MOK: variants seen among roughly 807,000 people sequenced by gnomAD.
MOK encodes the protein MOK protein kinase, also known as MAPK/MAK/MRK overlapping kinase.
MOK carries 59 observed loss-of-function variants against 54.2 expected under a neutral mutation model. That is an observed-to-expected ratio of 1.09 (90% CI 0.88 to 1.35). The LOEUF is 1.35. MOK is among the 40% of genes most tolerant of loss of function. The probability of loss-of-function intolerance (pLI) is 0.00; values close to 1 mark genes in which losing one functional copy is unlikely to be tolerated. For missense variants in MOK, 517 were observed against 526.2 expected (o/e 0.98, Z 0.17); for synonymous variants, 210 against 202.7 (o/e 1.04, Z -0.31).
chr14:102,281,986 T>G (rs2069490681), intron 2 of MOK, among the ~76,000 whole-genome samples: 1 of 152,220 alleles, frequency 6.6e-6, no homozygotes, highest in African/African-American at 2.4e-5. Flanking sequence ...TAGCAGAATC[T>G]GGGTTCACAT....
chr14:102,284,840 G>C (rs971972996), intron 1 of MOK, among the ~76,000 whole-genome samples: 5 of 152,196 alleles, frequency 3.3e-5, no homozygotes, highest in African/African-American at 1.2e-4. Flanking sequence ...CACTTTAGGA[G>C]GCCGAGGCAG....
chr14:102,239,845 C>A (rs192371200), intron 7 of MOK, among the ~76,000 whole-genome samples: 3 of 151,936 alleles, frequency 2.0e-5, no homozygotes, highest in African/African-American at 7.3e-5. Flanking sequence ...TCCAGCCTGG[C>A]GACAGGGCAG....
intron 4 of MOK, among the ~76,000 whole-genome samples, chr14:102,258,893 C>T (rs562895396): frequency 5.3e-5 from 8 of 152,170 alleles, no homozygotes; most frequent in East Asian, 1.9e-4. Context: ...AGTGAAACCC[C>T]GTCTCTACTA....
intron 2 of MOK, among the ~76,000 whole-genome samples, chr14:102,277,718 T>C (rs2069009455): frequency 6.6e-6 from 1 of 151,806 alleles, no homozygotes; most frequent in African/African-American, 2.4e-5. Context: ...CACATACTAG[T>C]GATTGCCTGG....
intron 7 of MOK, among the ~76,000 whole-genome samples, chr14:102,241,892 G>A (rs1597320593): frequency 6.6e-6 from 1 of 152,302 alleles, no homozygotes; most frequent in Non-Finnish European, 1.5e-5. Context: ...CCTCCCCAAG[G>A]ATCTTACTTC....
In MOK at chr14:102,245,234, G is replaced by T. The variant is rs1195551454; in HGVS notation, c.590+5578C>A. Among the ~76,000 whole-genome samples, 1 of 151,946 alleles carries T rather than the reference G, an allele frequency of 6.6e-6. No homozygotes were observed. Among genetic ancestry groups the T allele is most frequent in the Admixed American group, 6.6e-5 (1 of 15,254 alleles). ...CCCATTACCCCAAAATCTTCCTTCA[G>T]CTGAATCTCTCCCACTCCAGGTTCC... On this transcript the variant is annotated intron_variant, in intron 7 of 11. Transcript: ENST00000361847. The surrounding 1 kb of genome is among the most constrained non-coding windows in gnomAD (Gnocchi z 4.3).
At chr14:102,290,739 C>T (rs1358168527) in intron 1 of MOK, among the ~76,000 whole-genome samples, 1 of 152,150 alleles carries the variant, frequency 6.6e-6, no homozygotes, top group Non-Finnish European at 1.5e-5. Flanking sequence ...GATCCCTGAA[C>T]CCTAATGGGT....
chr14:102,256,586 GT>G (rs1208806621), intron 4 of MOK, among the ~76,000 whole-genome samples: 2 of 151,672 alleles, frequency 1.3e-5, no homozygotes, highest in Non-Finnish European at 2.9e-5. Flanking sequence ...AAAAAAAATT[GT>G]TTTTTTGTAC....
intron 8 of MOK, 27 bp downstream of exon 8, chr14:102,233,661 C>T (rs889210507): frequency 5.7e-6 from 9 of 1,574,808 alleles, no homozygotes; most frequent in Non-Finnish European, 7.9e-6. Context: ...AGTGGGTCCA[C>T]ATCCACTCTC....
intron 1 of MOK, among the ~76,000 whole-genome samples, chr14:102,291,532 A>C (rs1319751787): frequency 1.3e-5 from 2 of 152,164 alleles, no homozygotes; most frequent in East Asian, 1.9e-4. Context: ...GCTTGCTAAA[A>C]CACCACCAAA....
chr14:102,277,013 C>CTTTTT (rs550427492), intron 2 of MOK, among the ~76,000 whole-genome samples: 2 of 99,956 alleles, frequency 2.0e-5, no homozygotes, highest in Non-Finnish European at 2.1e-5. Flanking sequence ...ATGCCCTGGT[C>CTTTTT]TTTTTTTTTT....
At chr14:102,229,738 G>A (rs1429558865) in intron 10 of MOK, 81 bp from the exon 11 acceptor site, 1 of 1,258,322 alleles carries the variant, frequency 7.9e-7, no homozygotes, top group Non-Finnish European at 1.1e-6. Context: ...AGGCTCTTTT[G>A]TACTGCTTTT....
chr14:102,251,095 A>G (rs1665048843), intron 6 of MOK, 105 bp from the exon 7 acceptor site: 6 of 1,238,014 alleles, frequency 4.8e-6, no homozygotes, highest in African/African-American at 1.5e-5. Flanking sequence ...ACTAGCATCT[A>G]AAGTAGTCTG....
chr14:102,226,873 G>GC (rs1164905637), downstream of MOK, among the ~76,000 whole-genome samples: 2 of 152,114 alleles, frequency 1.3e-5, no homozygotes, highest in Admixed American at 1.3e-4. The surrounding 1 kb of genome is among the most constrained non-coding windows in gnomAD (Gnocchi z 4.8). Context: ...CTGGTCCCCT[G>GC]CTCACCTCCA....
chr14:102,237,786 A>G (rs563590254), intron 7 of MOK, among the ~76,000 whole-genome samples: 1 of 152,310 alleles, frequency 6.6e-6, no homozygotes, highest in Admixed American at 6.5e-5. Flanking sequence ...TAGACAACAC[A>G]GTCAGAGGAT....
intron 2 of MOK, among the ~76,000 whole-genome samples, chr14:102,276,982 G>C (rs1455514382): frequency 6.6e-6 from 1 of 150,474 alleles, no homozygotes; most frequent in Non-Finnish European, 1.5e-5. Flanking sequence ...CAAGTAGCTA[G>C]GACTACAGGA....
At chr14:102,259,648 T>C (rs1461210749) in intron 4 of MOK, among the ~76,000 whole-genome samples, 1 of 152,104 alleles carries the variant, frequency 6.6e-6, no homozygotes, top group Non-Finnish European at 1.5e-5. Flanking sequence ...TAGGATCAGG[T>C]TATCTAGGTT....
At chr14:102,297,516 C>T (rs768342321) in intron 1 of MOK, among the ~76,000 whole-genome samples, 1 of 152,256 alleles carries the variant, frequency 6.6e-6, no homozygotes, top group Non-Finnish European at 1.5e-5. Context: ...TTGAAGCCCT[C>T]GCTGGCTCTC....
rs143800006 is a variant in MOK at position 102,249,448 on chromosome 14, G to A, written c.590+1364C>T. Among the ~76,000 whole-genome samples the A allele has an allele frequency of 1.1e-3, 161 of 152,336 alleles. No individual in the cohort carries two copies. The highest frequency in any genetic ancestry group is 6.8e-3 in the Middle Eastern group (2 of 294). On this transcript the variant is annotated intron_variant, in intron 7 of 11. Transcript: ENST00000361847. The surrounding 1 kb of genome is among the most constrained non-coding windows in gnomAD (Gnocchi z 5.3). The stretch of plus-strand genomic sequence containing the variant: ...ACCTGTGCTGGGCGCGGTGGCTCAT[G>A]CCTGTAATCCCAGCACTTTGGGAGG...
Sources: allele counts gnomAD v4.1 joint callset (sites outside exome capture counted in the v4.1 genomes callset), GRCh38; gene constraint gnomAD v4.1.1; non-coding constraint Gnocchi (gnomAD v3.1); transcripts MANE v1.5; gene names NCBI Gene and HGNC (gene_info 2026-07-23, HGNC 2026-07-21).